Variants in NOX4 observed in about 807,000 individuals in gnomAD.
The protein encoded by NOX4 is NADPH oxidase 4.
Under a neutral mutation model 87.6 loss-of-function variants are expected in NOX4, and 69 were observed. The ratio of observed to expected loss-of-function variants is 0.79; its 90% CI spans 0.65 to 0.96. The LOEUF (loss-of-function observed/expected upper bound fraction) is 0.96, where lower values mean the gene tolerates loss of function less well. NOX4 is among the 40% of genes least tolerant of loss of function. The probability of loss-of-function intolerance (pLI) is 0.00; values close to 1 mark genes in which losing one functional copy is unlikely to be tolerated. For missense variants in NOX4, 680 were observed against 681.5 expected (o/e 1.00, Z 0.02); for synonymous variants, 275 against 238.2 (o/e 1.15, Z -1.42).
chr11:89,480,099 C>T (rs921962125), intron 2 of NOX4, among the ~76,000 whole-genome samples: 4 of 152,140 alleles, frequency 2.6e-5, no homozygotes, highest in Admixed American at 6.6e-5. Context: ...ACTGGACCTG[C>T]GCAGTTCAAA....
chr11:89,342,387 C>T (rs116133214), intron 13 of NOX4, among the ~76,000 whole-genome samples, 194 bp from the exon 14 acceptor site: 1,728 of 152,106 alleles, frequency 0.011, 38 homozygotes, highest in African/African-American at 0.038. Context: ...AAAATAAATA[C>T]GTCTGTTTCT....
At chr11:89,400,537 C>T (rs1034886806) in intron 9 of NOX4, among the ~76,000 whole-genome samples, 158 bp from the exon 10 acceptor site, 34 of 152,134 alleles carry the variant, frequency 2.2e-4, no homozygotes, top group African/African-American at 7.2e-4. Context: ...TAGATGCTCA[C>T]TATCATTCAA....
At chr11:89,554,910 T>C in the NOX4 span, among the ~76,000 whole-genome samples, 1 of 152,126 alleles carries the variant, frequency 6.6e-6, no homozygotes. Flanking sequence ...CTGCTGTCCA[T>C]TTAAATTTAG....
chr11:89,450,054 A>G (rs949777566), intron 3 of NOX4, among the ~76,000 whole-genome samples: 3 of 152,182 alleles, frequency 2.0e-5, no homozygotes, highest in African/African-American at 7.2e-5. Context: ...AATGTCAAGC[A>G]CCTCTGAATC....
the NOX4 span, among the ~76,000 whole-genome samples, chr11:89,536,763 G>A: frequency 6.6e-6 from 1 of 152,066 alleles, no homozygotes; most frequent in African/African-American, 2.4e-5. Flanking sequence ...TAGATACTAT[G>A]TCTGGCGTAA....
chr11:89,536,389 G>A, the NOX4 span, among the ~76,000 whole-genome samples: 23 of 151,742 alleles, frequency 1.5e-4, no homozygotes, highest in Middle Eastern at 3.5e-3. Context: ...TTCGTGATCC[G>A]CCCGCCTCAG....
At chr11:89,409,032 G>A (rs999895448) in intron 8 of NOX4, among the ~76,000 whole-genome samples, 33 of 151,900 alleles carry the variant, frequency 2.2e-4, no homozygotes, top group African/African-American at 7.7e-4. Flanking sequence ...CTGAAAAAGA[G>A]AAATAGTACC....
chr11:89,570,001 C>CA, the NOX4 span, among the ~76,000 whole-genome samples: 873 of 109,752 alleles, frequency 8.0e-3, 5 homozygotes, highest in East Asian at 0.019. Context: ...GACTCTGTCT[C>CA]AAAAAAAAAA....
upstream of NOX4, among the ~76,000 whole-genome samples, chr11:89,496,297 A>G (rs995276228): frequency 6.6e-6 from 1 of 152,210 alleles, no homozygotes; most frequent in African/African-American, 2.4e-5. Flanking sequence ...AGGACCAGAT[A>G]CTTTGTTGGA....
At chr11:89,522,109 C>T in the NOX4 span, among the ~76,000 whole-genome samples, 4 of 152,164 alleles carry the variant, frequency 2.6e-5, no homozygotes, top group Non-Finnish European at 5.9e-5. Context: ...CTCTGGAAAG[C>T]AGTTTGGAGA....
chr11:89,385,995 C>T (rs973010187), intron 11 of NOX4, among the ~76,000 whole-genome samples: 5 of 152,088 alleles, frequency 3.3e-5, no homozygotes, highest in African/African-American at 1.2e-4. Flanking sequence ...TTCAGTGGAA[C>T]CTTCATACCC....
chr11:89,342,824 T>TGA (rs1241936387), intron 13 of NOX4, among the ~76,000 whole-genome samples: 3 of 152,116 alleles, frequency 2.0e-5, no homozygotes, highest in Admixed American at 2.0e-4. Context: ...TGTGTGTGTG[T>TGA]GAGACAGAGA....
chr11:89,352,865 G>T (rs1479718959), intron 13 of NOX4, among the ~76,000 whole-genome samples: 4 of 152,164 alleles, frequency 2.6e-5, no homozygotes, highest in Non-Finnish European at 5.9e-5. Flanking sequence ...TGTTGCCCAG[G>T]CTGGAGCGCA....
At chr11:89,368,650 TA>T (rs1939201422) in intron 12 of NOX4, among the ~76,000 whole-genome samples, 1 of 152,088 alleles carries the variant, frequency 6.6e-6, no homozygotes, top group Non-Finnish European at 1.5e-5. Flanking sequence ...AATCATCACC[TA>T]AAAGTCCTAC....
chr11:89,527,681 A>G, the NOX4 span, among the ~76,000 whole-genome samples: 1 of 152,328 alleles, frequency 6.6e-6, no homozygotes, highest in South Asian at 2.1e-4. Context: ...CTGAGGGTGC[A>G]CAGAAGTCAA....
At chr11:89,359,850 T>C (rs185909999) in intron 12 of NOX4, among the ~76,000 whole-genome samples, 3 of 152,236 alleles carry the variant, frequency 2.0e-5, no homozygotes, top group Admixed American at 2.0e-4. Flanking sequence ...AGAGAGACAG[T>C]ATTTCCCTAA....
At chr11:89,432,270 G>A (rs574315131) in intron 7 of NOX4, among the ~76,000 whole-genome samples, 6 of 151,282 alleles carry the variant, frequency 4.0e-5, no homozygotes, top group Admixed American at 3.3e-4. Flanking sequence ...TAATGGGTGC[G>A]GCACACCAAC....
chr11:89,372,178 C>T (rs1343854903), intron 12 of NOX4, among the ~76,000 whole-genome samples: 1 of 151,616 alleles, frequency 6.6e-6, no homozygotes, highest in Non-Finnish European at 1.5e-5. Context: ...TCCATCCCCA[C>T]CCCTCCACTG....
rs1193670220 is a variant in NOX4, at chr11:89,432,849, G to T, written c.483C>A (p.Gly161=). 1 of 1,608,282 alleles carries T rather than the reference G, an allele frequency of 6.2e-7. No individual in the cohort carries two copies. The highest frequency in any genetic ancestry group is 1.3e-5 in the African/African-American group (1 of 74,670). ...PRKLLFTTVP[G]LTGVCMVVVL... is the part of the protein sequence containing the mutation. ...CCACCACCATGCAGACCCCTGTCAGGCCAGGAACTATAAAAATGTATACAA... is the reference window on the plus strand; with the variant it reads ...CCACCACCATGCAGACCCCTGTCAGTCCAGGAACTATAAAAATGTATACAA... The change falls in exon 7 of 18, where the codon GGC becomes GGA. Residue 161 remains glycine, a synonymous_variant. Coordinates refer to ENST00000263317, the MANE Select transcript of NOX4 (RefSeq NM_016931.5).
Sources: allele counts gnomAD v4.1 joint callset (sites outside exome capture counted in the v4.1 genomes callset), GRCh38; gene constraint gnomAD v4.1.1; transcripts MANE v1.5; gene names NCBI Gene and HGNC (gene_info 2026-07-23, HGNC 2026-07-21).